TRHDE: variants seen among roughly 807,000 people sequenced by gnomAD.
TRHDE encodes the protein thyrotropin-releasing hormone-degrading ectoenzyme.
A neutral mutation model predicts 125.7 loss-of-function variants in TRHDE; 72 were observed. The observed-to-expected ratio is 0.57, with a 90% CI of 0.47 to 0.70. The LOEUF is 0.70. Ranked by LOEUF, TRHDE falls within the 30% of genes least tolerant of loss-of-function variation. The pLI, the probability that TRHDE is intolerant of heterozygous loss-of-function variation, is 0.00. For missense variants in TRHDE, 1,110 were observed against 1,327.1 expected (o/e 0.84, Z 2.54); for synonymous variants, 509 against 509.1 (o/e 1.00, Z 0.00).
At chr12:72,301,585 G>A (rs1244143482) in intron 2 of TRHDE, among the ~76,000 whole-genome samples, 1 of 152,160 alleles carries the variant, frequency 6.6e-6, no homozygotes, top group Non-Finnish European at 1.5e-5. Context: ...TTTGGATTGG[G>A]TTTTGGATTC....
chr12:72,130,606 C>T (rs1267682461), intron 2 of TRHDE, among the ~76,000 whole-genome samples: 1 of 152,096 alleles, frequency 6.6e-6, no homozygotes, highest in Non-Finnish European at 1.5e-5. Context: ...CTAGGGGCAA[C>T]ATTAATGGAT....
At chr12:72,522,771 T>C (rs1030986514) in intron 6 of TRHDE, among the ~76,000 whole-genome samples, 1 of 152,182 alleles carries the variant, frequency 6.6e-6, no homozygotes, top group African/African-American at 2.4e-5. Flanking sequence ...TGGTGTCCTG[T>C]GATGCCTTCT....
chr12:72,654,173 A>G (rs922417605), intron 17 of TRHDE, among the ~76,000 whole-genome samples: 4 of 152,188 alleles, frequency 2.6e-5, no homozygotes, highest in African/African-American at 9.7e-5. Context: ...AATATCAAAC[A>G]TCTACCAATA....
intron 2 of TRHDE, among the ~76,000 whole-genome samples, chr12:72,365,710 G>A (rs1330222423): frequency 6.6e-6 from 1 of 152,070 alleles, no homozygotes; most frequent in Non-Finnish European, 1.5e-5. Context: ...CTAATCCGAA[G>A]CAGTGAATTA....
intron 2 of TRHDE, among the ~76,000 whole-genome samples, chr12:72,322,256 TG>T (rs1278874439): frequency 1.3e-5 from 2 of 152,134 alleles, no homozygotes; most frequent in Non-Finnish European, 2.9e-5. Context: ...GTATTCTTTT[TG>T]TGGTCTATTT....
intron 7 of TRHDE, among the ~76,000 whole-genome samples, chr12:72,555,470 G>GA (rs1869876956): frequency 7.6e-6 from 1 of 131,152 alleles, no homozygotes; most frequent in Admixed American, 7.7e-5. Context: ...AATAATAAAG[G>GA]TTTCAATAAT....
In TRHDE at chr12:72,140,139, A is replaced by G. The variant is rs368006726; in HGVS notation, n.279+34387A>G. ...TTCCAGGTCTTTTTCCTGATCCAGG[A>G]GAGAATTAATAAAGAGTCTGGCACC... On this transcript the variant is annotated intron_variant and non_coding_transcript_variant, in intron 2 of 4. Coordinates refer to the TRHDE transcript ENST00000548156. 2.0e-5 allele frequency: 3 copies of G among 152,166 alleles called. No homozygotes were observed. The South Asian group carries it at 6.2e-4, about 32-fold the overall frequency. 9.4% of individuals were successfully genotyped at this position (152,166 alleles called of 1,614,324 possible).
intron 3 of TRHDE, among the ~76,000 whole-genome samples, chr12:72,428,459 T>C (rs1157181707): frequency 6.6e-6 from 1 of 152,174 alleles, no homozygotes; most frequent in Non-Finnish European, 1.5e-5. Context: ...ATGGATAAAG[T>C]ATCAAAAAGG....
intron 9 of TRHDE, among the ~76,000 whole-genome samples, chr12:72,567,579 C>G (rs922370143): frequency 3.3e-5 from 5 of 151,936 alleles, no homozygotes; most frequent in African/African-American, 1.2e-4. Context: ...TGTTTATTAT[C>G]CCCAGGCATG....
At chr12:72,492,989 C>A (rs747470494) in intron 5 of TRHDE, among the ~76,000 whole-genome samples, 1 of 151,822 alleles carries the variant, frequency 6.6e-6, no homozygotes, top group African/African-American at 2.4e-5. Flanking sequence ...GTGTATCTGT[C>A]TTTCATACCA....
At chr12:72,489,384 T>A (rs1877558598) in intron 5 of TRHDE, among the ~76,000 whole-genome samples, 1 of 151,858 alleles carries the variant, frequency 6.6e-6, no homozygotes, top group African/African-American at 2.4e-5. Flanking sequence ...TGCTCATGGA[T>A]GTGAAGAATT....
chr12:72,259,755 C>T (rs2139393246), intron 2 of TRHDE, among the ~76,000 whole-genome samples: 1 of 152,246 alleles, frequency 6.6e-6, no homozygotes, highest in East Asian at 1.9e-4. Flanking sequence ...TGCTCAGCAG[C>T]CCTCCCTCTA....
At chr12:72,512,633 TTATCA>T (rs1174967877) in intron 6 of TRHDE, among the ~76,000 whole-genome samples, 106 of 142,904 alleles carry the variant, frequency 7.4e-4, no homozygotes, top group African/African-American at 2.7e-3. Context: ...ATATATCATA[TTATCA>T]TATATAATCA....
At chr12:72,451,564 C>T (rs531389670) in intron 3 of TRHDE, among the ~76,000 whole-genome samples, 1 of 150,102 alleles carries the variant, frequency 6.7e-6, no homozygotes, top group African/African-American at 2.5e-5. Flanking sequence ...AGTGTGATGC[C>T]TCTGGCTTTG....
At chr12:72,388,280 C>G (rs1872510546) in intron 3 of TRHDE, among the ~76,000 whole-genome samples, 1 of 152,184 alleles carries the variant, frequency 6.6e-6, no homozygotes, top group African/African-American at 2.4e-5. Context: ...AATCTCTTCC[C>G]TGATTTACTT....
chr12:72,194,760 T>G (rs1323027772), intron 2 of TRHDE, among the ~76,000 whole-genome samples: 1 of 152,162 alleles, frequency 6.6e-6, no homozygotes, highest in Admixed American at 6.5e-5. Flanking sequence ...GTACCACGTT[T>G]TCTTTATACA....
At chr12:72,185,507 CCT>C (rs1340426680) in intron 2 of TRHDE, among the ~76,000 whole-genome samples, 13 of 152,362 alleles carry the variant, frequency 8.5e-5, no homozygotes, top group Middle Eastern at 3.4e-3. Flanking sequence ...CAGCTGGGCT[CCT>C]GAGTCTGGTG....
chr12:72,383,952 C>T (rs1049561686), intron 3 of TRHDE, among the ~76,000 whole-genome samples: 1 of 151,974 alleles, frequency 6.6e-6, no homozygotes, highest in Non-Finnish European at 1.5e-5. Context: ...GATATAACAG[C>T]TATTTTTGTT....
Position 72,272,549 on chromosome 12 carries a change from C to A in TRHDE, c.-95C>A, listed in dbSNP as rs1161613839. 3 of 581,158 alleles carry A rather than the reference C, an allele frequency of 5.2e-6. No individual in the cohort carries two copies. Among genetic ancestry groups the A allele is most frequent in the Non-Finnish European group, 9.0e-6 (3 of 333,648 alleles). The allele number at this position is 581,158 out of a possible 1,614,324, so 36.0% of individuals were successfully genotyped here. A position where few individuals can be genotyped will look rare whatever the true frequency, so the allele number is the denominator to read the frequency against. ...CATCCCCAGTCGCGCGCCCTCGGCC[C>A]GCGTGAGCTCTCCGATGCCTGCTCT... On this transcript the variant is annotated 5_prime_UTR_variant, in exon 1 of 19. Coordinates refer to ENST00000261180, the MANE Select transcript of TRHDE (RefSeq NM_013381.3). This position sits in a 1 kb window ranked among gnomAD's most constrained non-coding sequence, Gnocchi z 6.7.
Sources: gnomAD v4.1 joint callset for allele counts (sites outside exome capture counted in the v4.1 genomes callset) on GRCh38, gnomAD v4.1.1 for gene constraint, Gnocchi (gnomAD v3.1) non-coding constraint, MANE v1.5 for transcripts, NCBI Gene and HGNC (gene_info 2026-07-23, HGNC 2026-07-21) for gene names.